PEAK1: variants seen among roughly 807,000 people sequenced by gnomAD.
The protein encoded by PEAK1 is pseudopodium enriched atypical kinase 1.
A neutral mutation model predicts 124.7 loss-of-function variants in PEAK1; 54 were observed. The ratio of observed to expected loss-of-function variants is 0.43; its 90% confidence interval spans 0.35 to 0.54. PEAK1 has a LOEUF of 0.54. PEAK1 is among the 20% of genes least tolerant of loss of function. The pLI, the probability that PEAK1 is intolerant of heterozygous loss-of-function variation, is 0.01. For synonymous variants in PEAK1, 719 were observed against 760.0 expected, an observed-to-expected ratio of 0.95 and a Z score of 0.89; for missense variants, 2,046 against 2,134.5, an observed-to-expected ratio of 0.96 and a Z score of 0.82.
At chr15:77,261,548 G>A (rs1016179413) in intron 5 of PEAK1, among the ~76,000 whole-genome samples, 1 of 151,210 alleles carries the variant, frequency 6.6e-6, no homozygotes, top group Non-Finnish European at 1.5e-5. Flanking sequence ...TGAATGAAAT[G>A]CGAGTTTAGA....
At chr15:77,378,524 G>A (rs890702232) in intron 1 of PEAK1, among the ~76,000 whole-genome samples, 3 of 151,858 alleles carry the variant, frequency 2.0e-5, no homozygotes, top group African/African-American at 4.8e-5. Flanking sequence ...CATTTTAAAG[G>A]TATTGGAAAA....
intron 5 of PEAK1, among the ~76,000 whole-genome samples, chr15:77,263,808 A>T (rs2061569158): frequency 6.6e-6 from 1 of 152,176 alleles, no homozygotes; most frequent in African/African-American, 2.4e-5. Flanking sequence ...ACAACAAAAA[A>T]AAGAATTTTA....
chr15:77,323,922 G>T (rs1187026812), intron 2 of PEAK1, among the ~76,000 whole-genome samples: 1 of 152,118 alleles, frequency 6.6e-6, no homozygotes, highest in Non-Finnish European at 1.5e-5. Context: ...TATGGTACTG[G>T]TACCAAAACA....
At chr15:77,165,514 G>A (rs1296619578) in intron 7 of PEAK1, among the ~76,000 whole-genome samples, 1 of 149,864 alleles carries the variant, frequency 6.7e-6, no homozygotes, top group African/African-American at 2.5e-5. Context: ...CAGCCTTTCT[G>A]GGGCCCCGGA....
intron 1 of PEAK1, among the ~76,000 whole-genome samples, chr15:77,399,392 G>T (rs1406190169): frequency 6.6e-6 from 1 of 152,018 alleles, no homozygotes; most frequent in Non-Finnish European, 1.5e-5. Context: ...CATAACTGGA[G>T]GAATCACATT....
Position 77,133,734 on chromosome 15 carries a change from G to A in PEAK1, c.3348C>T (p.Ala1116=). 6.2e-7 allele frequency: 1 copy of A among 1,604,246 alleles called. No individual in the cohort carries two copies. The change falls in exon 9 of 10, where the codon GCC becomes GCT. Residue 1116 remains alanine, a synonymous_variant. Transcript: ENST00000682557. The surrounding 1 kb of genome is among the most constrained non-coding windows in gnomAD (Gnocchi z 4.2). ...GTCGTGGCTGCTTGGGAGGTATCAT[G>A]GCTGCTCTAGATTGCCCTGTATTGT... ...TYSNLGQSRA[A]MIPPKQPRQP...
intron 9 of PEAK1, among the ~76,000 whole-genome samples, chr15:77,126,712 T>C (rs575914294): frequency 1.1e-4 from 16 of 152,328 alleles, no homozygotes; most frequent in South Asian, 6.2e-4. Context: ...GAGAGGCGCA[T>C]GACTTGCATA....
chr15:77,300,643 A>C (rs898191872), intron 2 of PEAK1, among the ~76,000 whole-genome samples: 2 of 152,126 alleles, frequency 1.3e-5, no homozygotes, highest in African/African-American at 4.8e-5. Context: ...TCCATATTTT[A>C]TTCAGGTATC....
chr15:77,183,445 A>G (rs1435390700), intron 6 of PEAK1, among the ~76,000 whole-genome samples: 1 of 152,228 alleles, frequency 6.6e-6, no homozygotes, highest in Admixed American at 6.5e-5. Context: ...AAATTATGAA[A>G]TACGTAAAAT....
At chr15:77,193,827 T>C (rs2057972725) in intron 6 of PEAK1, among the ~76,000 whole-genome samples, 1 of 151,278 alleles carries the variant, frequency 6.6e-6, no homozygotes, top group Non-Finnish European at 1.5e-5. Flanking sequence ...TAAACTAAAC[T>C]AAACTAAACT....
chr15:77,234,131 T>A (rs1409510277), intron 6 of PEAK1, among the ~76,000 whole-genome samples: 1 of 152,174 alleles, frequency 6.6e-6, no homozygotes, highest in Non-Finnish European at 1.5e-5. Context: ...CCCCTCAAAG[T>A]GTTGAGATTA....
At chr15:77,398,907 T>C (rs2071122609) in intron 1 of PEAK1, among the ~76,000 whole-genome samples, 2 of 151,870 alleles carry the variant, frequency 1.3e-5, no homozygotes, top group South Asian at 4.2e-4. Flanking sequence ...ATAAATTCAG[T>C]AAAGTTGTAG....
At chr15:77,105,318 GT>G (rs1236786946), downstream of PEAK1, 16 of 20,134 alleles carry the variant, frequency 7.9e-4, no homozygotes, top group African/African-American at 4.5e-3. Context: ...CCATTAGTTG[GT>G]GTGTGTGTGT....
At chr15:77,173,118 A>G (rs536685921) in intron 7 of PEAK1, among the ~76,000 whole-genome samples, 1 of 152,244 alleles carries the variant, frequency 6.6e-6, no homozygotes, top group East Asian at 1.9e-4. Context: ...CTCCTAGTAC[A>G]ATATGGTGCC....
At chr15:77,419,801 G>A (rs1269180735) in intron 1 of PEAK1, among the ~76,000 whole-genome samples, 1 of 148,196 alleles carries the variant, frequency 6.7e-6, no homozygotes, top group Non-Finnish European at 1.5e-5. Context: ...TGGCCGGGGA[G>A]CTAGAGCCCG....
At chr15:77,383,234 T>C (rs561830902) in intron 1 of PEAK1, among the ~76,000 whole-genome samples, 64 of 152,000 alleles carry the variant, frequency 4.2e-4, no homozygotes, top group Non-Finnish European at 8.0e-4. Flanking sequence ...CCATATTGGT[T>C]AGGCTGGTCT....
At chr15:77,321,081 C>A (rs2153017738) in intron 2 of PEAK1, among the ~76,000 whole-genome samples, 1 of 152,238 alleles carries the variant, frequency 6.6e-6, no homozygotes, top group South Asian at 2.1e-4. Flanking sequence ...TGGGTTGGTT[C>A]CAAGTCTTTG....
intron 5 of PEAK1, among the ~76,000 whole-genome samples, chr15:77,263,467 C>G (rs1269804218): frequency 6.6e-6 from 1 of 152,142 alleles, no homozygotes; most frequent in African/African-American, 2.4e-5. Context: ...TCAGAGAATA[C>G]TATAAACACC....
chr15:77,312,806 G>A (rs1472100316), intron 2 of PEAK1, among the ~76,000 whole-genome samples: 1 of 152,204 alleles, frequency 6.6e-6, no homozygotes, highest in Non-Finnish European at 1.5e-5. Context: ...CTCCCCAGTG[G>A]ACTTGTACTT....
Sources: allele counts gnomAD v4.1 joint callset (sites outside exome capture counted in the v4.1 genomes callset), GRCh38; gene constraint gnomAD v4.1.1; non-coding constraint Gnocchi (gnomAD v3.1); transcripts MANE v1.5; gene names NCBI Gene and HGNC (gene_info 2026-07-23, HGNC 2026-07-21).